The following MRTFB variants were observed in gnomAD, a reference collection of about 807,000 sequenced individuals.
The protein encoded by MRTFB is myocardin-related transcription factor B.
A neutral mutation model predicts 104.2 loss-of-function variants in MRTFB; 29 were observed. The ratio of observed to expected loss-of-function variants is 0.28; its 90% CI spans 0.21 to 0.38. The LOEUF (loss-of-function observed/expected upper bound fraction) is 0.38. Among genes scored for constraint, MRTFB ranks in the 10% least tolerant of loss-of-function variants. The pLI is 1.00. For missense variants in MRTFB, 1,270 were observed against 1,341.6 expected (o/e 0.95, Z 0.83); for synonymous variants, 535 against 519.5 (o/e 1.03, Z -0.41).
chr16:14,224,047 A>G (rs572298341), intron 8 of MRTFB, among the ~76,000 whole-genome samples: 28 of 152,316 alleles, frequency 1.8e-4, no homozygotes, highest in African/African-American at 6.7e-4. Context: ...TCACAGTAGA[A>G]GGGTGAAGGC....
chr16:14,110,045 T>A (rs2036191099), intron 2 of MRTFB, among the ~76,000 whole-genome samples: 1 of 152,170 alleles, frequency 6.6e-6, no homozygotes, highest in Non-Finnish European at 1.5e-5. Flanking sequence ...ATTTTAATGA[T>A]CCTTAGAGTA....
intron 2 of MRTFB, among the ~76,000 whole-genome samples, chr16:14,089,222 C>T (rs1424787885): frequency 2.6e-5 from 4 of 151,196 alleles, no homozygotes; most frequent in Non-Finnish European, 5.9e-5. Flanking sequence ...TTAGTATTCT[C>T]ACAGAGTTGT....
chr16:14,211,366 C>T (rs565305740), intron 4 of MRTFB, among the ~76,000 whole-genome samples: 3 of 152,254 alleles, frequency 2.0e-5, no homozygotes, highest in East Asian at 1.9e-4. Flanking sequence ...AATCTGCTTT[C>T]GGGTGCTGGT....
intron 15 of MRTFB, among the ~76,000 whole-genome samples, chr16:14,256,191 T>TAACAAC (rs1278602548): frequency 2.0e-4 from 9 of 45,020 alleles, no homozygotes; most frequent in African/African-American, 1.3e-3. Context: ...AAAAACAGGA[T>TAACAAC]AACAAAAAAA....
intron 10 of MRTFB, among the ~76,000 whole-genome samples, chr16:14,243,863 G>GGTTTTTTTTTTTTTTTGTTTT (rs1555458546): frequency 1.7e-5 from 2 of 118,800 alleles, no homozygotes; most frequent in African/African-American, 1.0e-4. Context: ...GCCTGTTTTG[G>GGTTTTTTTTTTTTTTTGTTTT]GTTTTTTTTT....
intron 2 of MRTFB, among the ~76,000 whole-genome samples, chr16:14,128,212 G>A (rs181723888): frequency 2.0e-5 from 3 of 152,160 alleles, no homozygotes; most frequent in East Asian, 1.9e-4. Context: ...CTGTGCAAGC[G>A]TAGTTGGGTT....
At chr16:14,036,296 T>TTTTA in the MRTFB span, among the ~76,000 whole-genome samples, 17 of 98,356 alleles carry the variant, frequency 1.7e-4, no homozygotes, top group Admixed American at 5.5e-4. Flanking sequence ...TTATATATAT[T>TTTTA]TATATATATA....
chr16:14,120,487 A>T (rs2036788668), intron 2 of MRTFB, among the ~76,000 whole-genome samples: 1 of 152,188 alleles, frequency 6.6e-6, no homozygotes, highest in South Asian at 2.1e-4. Context: ...TAAGATAGAG[A>T]AAATTTTCCA....
chr16:14,021,164 A>G, the MRTFB span: 1 of 152,254 alleles, frequency 6.6e-6, no homozygotes, highest in Non-Finnish European at 1.5e-5. Context: ...CATGGATAGC[A>G]TGTGGCTCAG....
At chr16:14,085,246 G>C (rs113539095) in intron 2 of MRTFB, among the ~76,000 whole-genome samples, 1 of 151,880 alleles carries the variant, frequency 6.6e-6, no homozygotes, top group South Asian at 2.1e-4. Context: ...ACCAGAAGTC[G>C]GGAGTTTGAG....
the MRTFB span, among the ~76,000 whole-genome samples, chr16:14,059,114 T>C: frequency 1.3e-5 from 2 of 152,154 alleles, 1 homozygote; most frequent in Non-Finnish European, 2.9e-5. Flanking sequence ...TGTTCATATT[T>C]ATGGGATACA....
intron 3 of MRTFB, among the ~76,000 whole-genome samples, chr16:14,196,912 C>T (rs927995442): frequency 1.3e-5 from 2 of 150,748 alleles, no homozygotes; most frequent in African/African-American, 4.9e-5. Flanking sequence ...TTGTGATATT[C>T]AGTTACTACT....
intron 5 of MRTFB, among the ~76,000 whole-genome samples, chr16:14,213,203 G>GT (rs1328046061): frequency 6.6e-6 from 1 of 152,066 alleles, no homozygotes; most frequent in African/African-American, 2.4e-5. Context: ...ATTTTTACTG[G>GT]ACCTGAAGTA....
intron 3 of MRTFB, among the ~76,000 whole-genome samples, chr16:14,163,833 CAAAA>C (rs71715684): frequency 9.8e-6 from 1 of 102,128 alleles, no homozygotes; most frequent in Non-Finnish European, 2.3e-5. Context: ...AACTCTGTCT[CAAAA>C]AAAAAAAAAA....
chr16:14,037,883 G>A, the MRTFB span, among the ~76,000 whole-genome samples: 1 of 152,184 alleles, frequency 6.6e-6, no homozygotes, highest in African/African-American at 2.4e-5. Flanking sequence ...TAGGAGAAAG[G>A]AGCTCTCATT....
At chr16:14,171,334 T>G (rs909214259) in intron 3 of MRTFB, among the ~76,000 whole-genome samples, 1 of 152,102 alleles carries the variant, frequency 6.6e-6, no homozygotes, top group Non-Finnish European at 1.5e-5. Context: ...CCCAGCACTT[T>G]GGGAGGCCAA....
At chr16:14,166,292 A>G (rs1468436925) in intron 3 of MRTFB, among the ~76,000 whole-genome samples, 1 of 150,664 alleles carries the variant, frequency 6.6e-6, no homozygotes, top group Non-Finnish European at 1.5e-5. Context: ...AGAATTGTAC[A>G]ATACATATCC....
the MRTFB span, among the ~76,000 whole-genome samples, chr16:14,030,927 C>A: frequency 6.6e-6 from 1 of 152,172 alleles, no homozygotes; most frequent in Admixed American, 6.5e-5. Context: ...TGATTCTCAA[C>A]TGGGGGCTCT....
chr16:14,087,237 A>T (rs903870985), intron 2 of MRTFB, among the ~76,000 whole-genome samples: 1 of 152,164 alleles, frequency 6.6e-6, no homozygotes, highest in African/African-American at 2.4e-5. Context: ...TGGAAAGGGG[A>T]GGAGAGAACA....
Sources: allele counts gnomAD v4.1 joint callset (sites outside exome capture counted in the v4.1 genomes callset), GRCh38; gene constraint gnomAD v4.1.1; transcripts MANE v1.5; gene names NCBI Gene and HGNC (gene_info 2026-07-23, HGNC 2026-07-21).